Variants in SS18L1 observed in about 807,000 individuals in gnomAD.
The protein encoded by SS18L1 is calcium-responsive transactivator.
SS18L1 carries 32 observed loss-of-function variants against 70.3 expected under a neutral mutation model. The ratio of observed to expected loss-of-function variants is 0.46; its 90% CI spans 0.34 to 0.61. The LOEUF (loss-of-function observed/expected upper bound fraction) is 0.61. Ranked by LOEUF, SS18L1 falls within the 20% of genes least tolerant of loss-of-function variation. The probability of loss-of-function intolerance (pLI) is 0.01; values close to 1 mark genes in which losing one functional copy is unlikely to be tolerated. For missense variants in SS18L1, 430 were observed against 542.1 expected (o/e 0.79, Z 2.05); for synonymous variants, 237 against 229.7 (o/e 1.03, Z -0.29).
Position 62,174,838 on chromosome 20 carries a change from A to C in SS18L1, c.1164+194A>C. Reference sequence around the variant, plus strand: ...GTGTATACGCTCACCTCAGTCATCCAGCTGGCTTTTCATACCCTAAGCTCA... The same window carrying C: ...GTGTATACGCTCACCTCAGTCATCCCGCTGGCTTTTCATACCCTAAGCTCA... On this transcript the variant is annotated intron_variant, in intron 10 of 10. Transcript: ENST00000331758. This position sits in a 1 kb window ranked among gnomAD's most constrained non-coding sequence, Gnocchi z 4.1. 1 of 1,465,398 alleles carries C rather than the reference A, an allele frequency of 6.8e-7. No individual in the cohort carries two copies. The highest frequency in any genetic ancestry group is 9.0e-7 in the Non-Finnish European group (1 of 1,105,632). 90.8% of individuals were successfully genotyped at this position (1,465,398 alleles called of 1,614,324 possible).
At chr20:62,147,324 G>A (rs894874665) in intron 1 of SS18L1, among the ~76,000 whole-genome samples, 2 of 152,210 alleles carry the variant, frequency 1.3e-5, no homozygotes, top group African/African-American at 4.8e-5. Flanking sequence ...GGGGAACCCT[G>A]CGGTGGGGCT....
chr20:62,143,905 G>A lies in SS18L1; in HGVS notation c.69+16G>A, dbSNP rs2056970318. 9.1e-7 allele frequency: 1 copy of A among 1,101,280 alleles called. No homozygotes were observed. The highest frequency in any genetic ancestry group is 1.1e-6 in the Non-Finnish European group (1 of 887,498). The allele number at this position is 1,101,280 out of a possible 1,614,324, so 68.2% of individuals were successfully genotyped here. On this transcript the variant is annotated intron_variant, in intron 1 of 10. Coordinates refer to ENST00000331758, the MANE Select transcript of SS18L1 (RefSeq NM_198935.3). The stretch of plus-strand genomic sequence containing the variant: ...CATCCAGAAGGTGGGCCGGGCCGGA[G>A]CGGCGGCGCTGGGCGGCGGGTCTGC...
intron 8 of SS18L1, among the ~76,000 whole-genome samples, chr20:62,167,979 CTT>C (rs575045754): frequency 9.0e-4 from 95 of 105,012 alleles, no homozygotes; most frequent in Middle Eastern, 5.6e-3. Context: ...CCAGGCCTGG[CTT>C]TTTTTTTTTT....
At chr20:62,171,241 T>A (rs2057526533) in intron 8 of SS18L1, among the ~76,000 whole-genome samples, 2 of 152,122 alleles carry the variant, frequency 1.3e-5, no homozygotes, top group Non-Finnish European at 2.9e-5. Context: ...TAAAGTGGGC[T>A]ATAAAACATG....
Position 62,159,026 on chromosome 20 carries a change from A to G in SS18L1, c.146+278A>G. ...CAGCACGGAGGCCAGATATGTCCCG[A>G]GAGTCCCCCAGCACGGAGGCCAGAT... On this transcript the variant is annotated intron_variant, in intron 2 of 10. Transcript: ENST00000331758. This position sits in a 1 kb window ranked among gnomAD's most constrained non-coding sequence, Gnocchi z 4.4. 6.8e-7 allele frequency: 1 copy of G among 1,462,964 alleles called. No homozygotes were observed. The highest frequency in any genetic ancestry group is 9.2e-7 in the Non-Finnish European group (1 of 1,087,722). The allele number at this position is 1,462,964 out of a possible 1,614,324, so 90.6% of individuals were successfully genotyped here. A position where few individuals can be genotyped will look rare whatever the true frequency, so the allele number is the denominator to read the frequency against.
chr20:62,151,357 G>A (rs2057126338), intron 1 of SS18L1, among the ~76,000 whole-genome samples: 1 of 152,190 alleles, frequency 6.6e-6, no homozygotes, highest in Admixed American at 6.5e-5. Context: ...GTCCCCGCTT[G>A]CCAAATCCAG....
Position 62,143,883 on chromosome 20 carries a change from C to CA in SS18L1, c.63_64insA (p.Gln22ThrfsTer86). On this transcript the variant is annotated frameshift_variant, in exon 1 of 11. Transcript: ENST00000331758. LOFTEE classifies it high-confidence loss of function. ...AAGGGGAGGTTACGCAGCAAACCAT[C>CA]CAGAAGGTGGGCCGGGCCGGAGCGG... 1 of 1,232,666 alleles carries CA rather than the reference C, an allele frequency of 8.1e-7. No homozygotes were observed. The highest frequency in any genetic ancestry group is 1.0e-6 in the Non-Finnish European group (1 of 952,854). The allele number at this position is 1,232,666 out of a possible 1,614,324, so 76.4% of individuals were successfully genotyped here. A position where few individuals can be genotyped will look rare whatever the true frequency, so the allele number is the denominator to read the frequency against.
intron 4 of SS18L1, chr20:62,162,551 A>T: frequency 1.8e-6 from 1 of 554,828 alleles, no homozygotes; most frequent in South Asian, 2.5e-5. Context: ...TGATCCACCC[A>T]CCTCGGCCTC....
At chr20:62,152,877 A>G (rs2057158785) in intron 1 of SS18L1, among the ~76,000 whole-genome samples, 1 of 152,172 alleles carries the variant, frequency 6.6e-6, no homozygotes, top group Non-Finnish European at 1.5e-5. Context: ...CTGTCGGTGC[A>G]TTTCCGTCCT....
intron 3 of SS18L1, among the ~76,000 whole-genome samples, chr20:62,160,724 C>T (rs1247426935): frequency 6.6e-6 from 1 of 152,166 alleles, no homozygotes; most frequent in Non-Finnish European, 1.5e-5. Context: ...CAAGTGATGA[C>T]ATAAATGCCA....
chr20:62,163,525 C>T lies in SS18L1; in HGVS notation c.624C>T (p.Tyr208=). Residue 208 remains tyrosine, a synonymous_variant, in exon 6 of 11, where the codon TAC becomes TAT. Transcript: ENST00000331758. ...CGGCGCAGGGCGGCAGCCAGCACTA[C>T]CAGGGCCAGTCGTCCATCGCCATGA... The part of the protein sequence containing the change: ...YSSAQGGSQH[Y]QGQSSIAMMG... 1 of 1,611,898 alleles carries T rather than the reference C, an allele frequency of 6.2e-7. No individual in the cohort carries two copies. The highest frequency in any genetic ancestry group is 1.3e-5 in the African/African-American group (1 of 75,012).
At chr20:62,176,201 A>T (rs1427285815) in intron 10 of SS18L1, among the ~76,000 whole-genome samples, 1 of 152,370 alleles carries the variant, frequency 6.6e-6, no homozygotes, top group South Asian at 2.1e-4. Flanking sequence ...GAACCAGAGG[A>T]CATATAACTT....
intron 1 of SS18L1, among the ~76,000 whole-genome samples, chr20:62,151,687 T>C (rs371044023): frequency 1.8e-4 from 27 of 152,294 alleles, no homozygotes; most frequent in African/African-American, 6.0e-4. Context: ...CATTGGGTAA[T>C]GGATGCACCC....
At position 62,174,455 on chromosome 20, in the gene SS18L1, A is replaced by C; in HGVS notation, c.1037-62A>C. The C allele has an allele frequency of 6.5e-7, 1 of 1,547,334 alleles. No individual in the cohort carries two copies. Among genetic ancestry groups the C allele is most frequent in the Non-Finnish European group, 8.7e-7 (1 of 1,149,958 alleles). On this transcript the variant is annotated intron_variant, in intron 9 of 10. Coordinates refer to ENST00000331758, the MANE Select transcript of SS18L1 (RefSeq NM_198935.3). The surrounding 1 kb of genome is among the most constrained non-coding windows in gnomAD (Gnocchi z 4.1). Reference sequence around the variant, plus strand: ...AAGTTTTAAAAAAAATTTTTAAGTTAAGAAAAAAAAAGAAAGAGGTGTCCG... The same window carrying C: ...AAGTTTTAAAAAAAATTTTTAAGTTCAGAAAAAAAAAGAAAGAGGTGTCCG...
chr20:62,151,820 C>T lies in SS18L1; in HGVS notation c.70-6852C>T, dbSNP rs533029308. On this transcript the variant is annotated intron_variant, in intron 1 of 10. Coordinates refer to ENST00000331758, the MANE Select transcript of SS18L1 (RefSeq NM_198935.3). ...AGCAGCCCCCGTTCCCCTCTTTTCC[C>T]GCTCCCCATAGCTGGCCTCCCCCGT... Among the ~76,000 whole-genome samples, 117 of 151,032 alleles carry T rather than the reference C, an allele frequency of 7.7e-4. 1 individual carries two copies. Among genetic ancestry groups the T allele is most frequent in the African/African-American group, 2.6e-3 (109 of 41,252 alleles).
rs1230899042 is a variant in SS18L1 at position 62,154,504 on chromosome 20, G to T, written c.70-4168G>T. On this transcript the variant is annotated intron_variant, in intron 1 of 10. Transcript: ENST00000331758. Reference sequence around the variant, plus strand: ...TCCTCCAGAGCCTCCCTCAGGCCAGGCCATCGGCCCCCCAGAGGTCTCCGT... The same window carrying T: ...TCCTCCAGAGCCTCCCTCAGGCCAGTCCATCGGCCCCCCAGAGGTCTCCGT... 4.9e-6 allele frequency: 5 copies of T among 1,019,194 alleles called. No homozygotes were observed. In the South Asian group the frequency reaches 1.4e-4, roughly 28 times the overall value. 63.1% of individuals were successfully genotyped at this position (1,019,194 alleles called of 1,614,324 possible).
At chr20:62,152,618 A>C (rs1377637289) in intron 1 of SS18L1, among the ~76,000 whole-genome samples, 1 of 152,156 alleles carries the variant, frequency 6.6e-6, no homozygotes, top group Admixed American at 6.5e-5. Context: ...CAGTAAATAC[A>C]GAAGATCTAG....
At chr20:62,160,011 A>C (rs867356665) in intron 3 of SS18L1, 50 bp downstream of exon 3, 12 of 1,538,890 alleles carry the variant, frequency 7.8e-6, no homozygotes, top group Non-Finnish European at 9.7e-6. Context: ...GGACTCCGAC[A>C]CTGCCTAAGA....
In SS18L1 at chr20:62,164,213, G is replaced by T. The variant is rs369721048; in HGVS notation, c.790G>T (p.Ala264Ser). 18 of 1,549,676 alleles carry T rather than the reference G, an allele frequency of 1.2e-5. No homozygotes were observed. Among genetic ancestry groups the T allele is most frequent in the Admixed American group, 3.9e-5 (2 of 50,962 alleles). Residue 264 changes from alanine to serine, a missense_variant, in exon 7 of 11, where the codon GCG (alanine) becomes TCG (serine). Ala to Ser is a moderately conservative substitution (Grantham distance 99). Transcript: ENST00000331758. Reference sequence around the variant, plus strand: ...GCAGTACAGCCACAGCCAGGGCGCCGCGGAGCCCATGGGCCAGCAGTACTA... The same window carrying T: ...GCAGTACAGCCACAGCCAGGGCGCCTCGGAGCCCATGGGCCAGCAGTACTA... ...GEQYSHSQGA[A>S]EPMGQQYYPD...
Sources: gnomAD v4.1 joint callset for allele counts (sites outside exome capture counted in the v4.1 genomes callset) on GRCh38, gnomAD v4.1.1 for gene constraint, Gnocchi (gnomAD v3.1) non-coding constraint, MANE v1.5 for transcripts, NCBI Gene and HGNC (gene_info 2026-07-23, HGNC 2026-07-21) for gene names.